The following DGLUCY variants were observed in gnomAD, a reference collection of about 807,000 sequenced individuals.
DGLUCY encodes D-glutamate cyclase, also known as D-glutamate cyclase, mitochondrial.
A neutral mutation model predicts 58.5 loss-of-function variants in DGLUCY; 58 were observed. That is an observed-to-expected ratio of 0.99 (90% CI 0.80 to 1.23). DGLUCY has a LOEUF of 1.23. Ranked by LOEUF, DGLUCY falls within the 50% of genes most tolerant of loss-of-function variation. The pLI is 0.00. For synonymous variants in DGLUCY, 325 were observed against 314.1 expected, an observed-to-expected ratio of 1.03 and a Z score of -0.37; for missense variants, 779 against 784.7, an observed-to-expected ratio of 0.99 and a Z score of 0.09.
chr14:91,143,059 G>A lies in DGLUCY; in HGVS notation c.-81-14580G>A, dbSNP rs183682489. On this transcript the variant is annotated intron_variant, in intron 1 of 13. Coordinates refer to ENST00000256324, the MANE Select transcript of DGLUCY (RefSeq NM_001102368.3). The stretch of plus-strand genomic sequence containing the variant: ...AAAAAAAAAAAAAAAAGGATCTAAT[G>A]GCAGTTTTGGCAGTTCTTTTTTTGT... Among the ~76,000 whole-genome samples the A allele has an allele frequency of 1.0e-3, 150 of 148,706 alleles. 1 individual carries two copies. Among genetic ancestry groups the A allele is most frequent in the African/African-American group, 3.5e-3 (142 of 40,440 alleles).
intron 7 of DGLUCY, among the ~76,000 whole-genome samples, chr14:91,177,386 A>G (rs759830064): frequency 6.6e-6 from 1 of 152,184 alleles, no homozygotes; most frequent in African/African-American, 2.4e-5. Context: ...TTTTTGAGAC[A>G]TTTTGGAGAT....
intron 5 of DGLUCY, 22 bp from the exon 6 acceptor site, chr14:91,173,267 A>AT (rs11340262): frequency 0.1 from 132,023 of 1,261,034 alleles, 440 homozygotes; most frequent in African/African-American, 0.16. Context: ...TTTTCACTTG[A>AT]TTTTTTTTTT....
chr14:91,184,083 G>A (rs562439167), intron 8 of DGLUCY, among the ~76,000 whole-genome samples: 6 of 152,092 alleles, frequency 3.9e-5, no homozygotes, highest in Admixed American at 1.3e-4. Context: ...AATGGTGGCC[G>A]ACCTCCGTGG....
intron 1 of DGLUCY, among the ~76,000 whole-genome samples, chr14:91,120,916 C>T (rs997128348): frequency 1.3e-5 from 2 of 152,184 alleles, no homozygotes; most frequent in African/African-American, 4.8e-5. Context: ...CATCCTCCAC[C>T]AAGTGCTGCC....
intron 7 of DGLUCY, among the ~76,000 whole-genome samples, chr14:91,176,273 T>C (rs2048848757): frequency 6.6e-6 from 1 of 152,208 alleles, no homozygotes; most frequent in African/African-American, 2.4e-5. Context: ...GTTGCCAGGC[T>C]AGAGTGCTGT....
intron 1 of DGLUCY, among the ~76,000 whole-genome samples, chr14:91,068,777 G>T (rs76399068): frequency 0.021 from 3,198 of 152,250 alleles, 37 homozygotes; most frequent in South Asian, 0.034. Context: ...CATAGAAAAG[G>T]TCCCATTTTT....
At chr14:91,146,449 A>G (rs2047017660) in intron 1 of DGLUCY, among the ~76,000 whole-genome samples, 1 of 152,188 alleles carries the variant, frequency 6.6e-6, no homozygotes, top group African/African-American at 2.4e-5. Context: ...TCCTCGGGGC[A>G]TCTATGCCCA....
intron 11 of DGLUCY, among the ~76,000 whole-genome samples, chr14:91,202,592 C>T (rs1163696630): frequency 6.6e-6 from 1 of 152,024 alleles, no homozygotes; most frequent in Non-Finnish European, 1.5e-5. Flanking sequence ...TGTTGGCTTC[C>T]AGCTTCCTGT....
At chr14:91,128,409 C>A (rs2045847240) in intron 1 of DGLUCY, among the ~76,000 whole-genome samples, 1 of 151,420 alleles carries the variant, frequency 6.6e-6, no homozygotes, top group Non-Finnish European at 1.5e-5. Context: ...GTGGGAGGAT[C>A]ACTTGAGCGC....
rs1205743246 is a variant in DGLUCY at position 91,215,573 on chromosome 14, A to G, written c.1716+17A>G. The G allele has an allele frequency of 6.2e-7, 1 of 1,613,472 alleles. No homozygotes were observed. Among genetic ancestry groups the G allele is most frequent in the Non-Finnish European group, 8.5e-7 (1 of 1,179,636 alleles). The stretch of plus-strand genomic sequence containing the variant: ...GTCATTAAGGTAACAAACCCCAGCC[A>G]GCCGCTCGCCTGGAAGCAGCTTTTA... On this transcript the variant is annotated intron_variant, in intron 13 of 13. Coordinates refer to ENST00000256324, the MANE Select transcript of DGLUCY (RefSeq NM_001102368.3).
At chr14:91,114,385 G>C (rs1017817502) in intron 1 of DGLUCY, 102 bp downstream of exon 1, 3 of 152,398 alleles carry the variant, frequency 2.0e-5, no homozygotes, top group African/African-American at 7.2e-5. Flanking sequence ...TATTCTGGGA[G>C]CCCACCCCAG....
chr14:91,164,149 C>A (rs1260043608), intron 3 of DGLUCY, among the ~76,000 whole-genome samples: 1 of 152,066 alleles, frequency 6.6e-6, no homozygotes, highest in African/African-American at 2.4e-5. Context: ...GGGGTTTCAC[C>A]ATGTTGGCCA....
intron 1 of DGLUCY, among the ~76,000 whole-genome samples, chr14:91,098,469 T>C (rs2044431832): frequency 6.6e-6 from 1 of 152,116 alleles, no homozygotes; most frequent in Admixed American, 6.6e-5. Flanking sequence ...AAATAAAAAA[T>C]AAAATAATTA....
chr14:91,208,477 G>A (rs1435717165), intron 12 of DGLUCY, among the ~76,000 whole-genome samples: 1 of 152,140 alleles, frequency 6.6e-6, no homozygotes, highest in Non-Finnish European at 1.5e-5. Flanking sequence ...GGCCAGGCAC[G>A]GTGGCTCACG....
intron 9 of DGLUCY, among the ~76,000 whole-genome samples, chr14:91,190,604 C>T (rs1016298014): frequency 1.3e-5 from 2 of 151,968 alleles, no homozygotes; most frequent in African/African-American, 4.8e-5. Flanking sequence ...GAGGGAAGGG[C>T]ATCCTGGACT....
In DGLUCY at chr14:91,204,782, T is replaced by C; in HGVS notation, c.1521T>C (p.Asp507=). 1 of 1,614,114 alleles carries C rather than the reference T, an allele frequency of 6.2e-7. No individual in the cohort carries two copies. Among genetic ancestry groups the C allele is most frequent in the Non-Finnish European group, 8.5e-7 (1 of 1,180,004 alleles). Residue 507 remains aspartate (D), a synonymous_variant, in exon 12 of 14, where the codon GAT becomes GAC. Transcript: ENST00000256324. ...TGAGGAGGCACATACGGCACGGGGA[T>C]GTCATCGCCTGCGACGTGGAGGCTG... The part of the protein sequence containing the change: ...EAVRRHIRHG[D]VIACDVEADF...
At chr14:91,195,077 T>C (rs2050123613) in intron 9 of DGLUCY, among the ~76,000 whole-genome samples, 1 of 152,096 alleles carries the variant, frequency 6.6e-6, no homozygotes, top group South Asian at 2.1e-4. Flanking sequence ...GGGCTGATGA[T>C]GGAGATTGAG....
At chr14:91,191,206 G>A (rs1376137369) in intron 9 of DGLUCY, among the ~76,000 whole-genome samples, 5 of 152,126 alleles carry the variant, frequency 3.3e-5, no homozygotes, top group Admixed American at 2.6e-4. Context: ...GATTAAGCCA[G>A]TCATATTGTA....
chr14:91,202,576 G>A (rs2050639663), intron 11 of DGLUCY, among the ~76,000 whole-genome samples: 1 of 152,192 alleles, frequency 6.6e-6, no homozygotes, highest in Non-Finnish European at 1.5e-5. Flanking sequence ...TTGGCTTCCA[G>A]CTTCCTGTTG....
Sources: allele counts gnomAD v4.1 joint callset (sites outside exome capture counted in the v4.1 genomes callset), GRCh38; gene constraint gnomAD v4.1.1; transcripts MANE v1.5; gene names NCBI Gene and HGNC (gene_info 2026-07-23, HGNC 2026-07-21).